Variants in PREX2 observed in about 807,000 individuals in gnomAD.
PREX2 encodes the protein phosphatidylinositol-3,4,5-trisphosphate dependent Rac exchange factor 2.
A neutral mutation model predicts 203.2 loss-of-function variants in PREX2; 107 were observed. That is an observed-to-expected ratio of 0.53 (90% CI 0.45 to 0.62). The LOEUF is 0.62. Among genes scored for constraint, PREX2 ranks in the 20% least tolerant of loss-of-function variants. PREX2 has a pLI of 0.00. For synonymous variants in PREX2, 672 were observed against 663.6 expected (o/e 1.01, Z -0.19); for missense variants, 1,777 against 1,955.9 (o/e 0.91, Z 1.72).
At chr8:68,056,194 T>C (rs1434776) in intron 10 of PREX2, among the ~76,000 whole-genome samples, 89,516 of 151,918 alleles carry the variant, frequency 0.59, 28,352 homozygotes, top group African/African-American at 0.83. Context: ...ATTCATGACT[T>C]CTGAGATTTC....
At chr8:68,210,596 A>G (rs915115123) in intron 37 of PREX2, among the ~76,000 whole-genome samples, 2 of 151,898 alleles carry the variant, frequency 1.3e-5, no homozygotes, top group African/African-American at 4.9e-5. Flanking sequence ...CTTGTGGCCC[A>G]AAAGGGGTGT....
intron 1 of PREX2, among the ~76,000 whole-genome samples, chr8:67,953,214 A>T (rs571702935): frequency 8.5e-6 from 1 of 118,012 alleles, no homozygotes; most frequent in South Asian, 3.0e-4. Flanking sequence ...TCTTCTGCTC[A>T]GTTTCTGGTC....
chr8:68,093,232 A>C (rs910139140), intron 20 of PREX2, among the ~76,000 whole-genome samples: 1 of 151,858 alleles, frequency 6.6e-6, no homozygotes. Context: ...CTTTACTAAA[A>C]ATACAAAATT....
intron 22 of PREX2, 75 bp from the exon 23 acceptor site, chr8:68,099,607 T>A: frequency 7.2e-7 from 1 of 1,397,768 alleles, no homozygotes; most frequent in East Asian, 2.3e-5. Flanking sequence ...TCTTCTTGTT[T>A]CGTTTTGTTT....
intron 35 of PREX2, among the ~76,000 whole-genome samples, chr8:68,188,202 A>G (rs113133150): frequency 7.9e-5 from 12 of 152,326 alleles, no homozygotes; most frequent in African/African-American, 1.4e-4. Flanking sequence ...AGATGTCAAA[A>G]CAATGTCATA....
At chr8:68,108,710 A>T (rs751406917) in intron 24 of PREX2, among the ~76,000 whole-genome samples, 1 of 152,198 alleles carries the variant, frequency 6.6e-6, no homozygotes, top group Non-Finnish European at 1.5e-5. Flanking sequence ...ACAAGGGATC[A>T]AACTATCCTC....
At chr8:67,973,313 T>A (rs1805979194) in intron 1 of PREX2, among the ~76,000 whole-genome samples, 1 of 152,178 alleles carries the variant, frequency 6.6e-6, no homozygotes, top group Non-Finnish European at 1.5e-5. Context: ...TTTATCAACT[T>A]GTCATTCTAG....
Position 68,138,477 on chromosome 8 carries a change from CTTTTACT to C in PREX2, c.4050_4056del (p.Phe1350LeufsTer26), listed in dbSNP as rs958721073. 1 of 1,605,428 alleles carries C rather than the reference CTTTTACT, an allele frequency of 6.2e-7. No individual in the cohort carries two copies. The highest frequency in any genetic ancestry group is 1.3e-5 in the African/African-American group (1 of 74,862). On this transcript the variant is annotated frameshift_variant, in exon 33 of 40. Transcript: ENST00000288368. LOFTEE classifies it high-confidence loss of function. The stretch of plus-strand genomic sequence containing the variant: ...CACTATTTGATTTGGAAAAGGTTTC[CTTTTACT>C]TTAAACCATCAGAAGAGGAACCTCT...
chr8:67,967,587 A>G (rs192395343), intron 1 of PREX2, among the ~76,000 whole-genome samples: 7 of 152,316 alleles, frequency 4.6e-5, no homozygotes, highest in African/African-American at 4.8e-5. Flanking sequence ...CTGGAAATGA[A>G]GTATCCTTTA....
At chr8:68,191,979 C>G (rs1812303804) in intron 36 of PREX2, among the ~76,000 whole-genome samples, 191 bp downstream of exon 36, 1 of 152,102 alleles carries the variant, frequency 6.6e-6, no homozygotes, top group Non-Finnish European at 1.5e-5. Flanking sequence ...GGGGTACATG[C>G]ACAGAACATG....
chr8:68,104,845 G>A (rs1185547955), intron 23 of PREX2, among the ~76,000 whole-genome samples: 1 of 152,130 alleles, frequency 6.6e-6, no homozygotes, highest in Non-Finnish European at 1.5e-5. Flanking sequence ...GTAAGTTTGG[G>A]CTTGTGGTAT....
At chr8:68,144,257 C>G (rs1811282694) in intron 33 of PREX2, among the ~76,000 whole-genome samples, 1 of 152,154 alleles carries the variant, frequency 6.6e-6, no homozygotes, top group South Asian at 2.1e-4. Flanking sequence ...TGGTGTTTCA[C>G]TGACATTGTT....
At chr8:68,151,045 G>T (rs1451270707) in intron 34 of PREX2, among the ~76,000 whole-genome samples, 2 of 152,024 alleles carry the variant, frequency 1.3e-5, no homozygotes, top group African/African-American at 2.4e-5. Context: ...TCTTATAGGG[G>T]CACCAATCAT....
chr8:68,040,415 A>G (rs775292954), intron 7 of PREX2, among the ~76,000 whole-genome samples: 9 of 151,628 alleles, frequency 5.9e-5, no homozygotes, highest in Non-Finnish European at 1.3e-4. Context: ...ATCACATCCC[A>G]TTTCTCCAAA....
chr8:68,016,713 C>T (rs559979067), intron 1 of PREX2, among the ~76,000 whole-genome samples: 6 of 152,208 alleles, frequency 3.9e-5, no homozygotes, highest in African/African-American at 1.4e-4. Flanking sequence ...AACTTCTGGG[C>T]TCAAGTGATC....
At chr8:67,980,950 C>A (rs981433895) in intron 1 of PREX2, among the ~76,000 whole-genome samples, 1 of 152,156 alleles carries the variant, frequency 6.6e-6, no homozygotes, top group Non-Finnish European at 1.5e-5. Flanking sequence ...AATACAACTG[C>A]GCGTGGCTTT....
intron 17 of PREX2, among the ~76,000 whole-genome samples, chr8:68,081,735 C>A (rs1702317896): frequency 6.6e-6 from 1 of 152,172 alleles, no homozygotes. Context: ...CCCTCTGTTG[C>A]CCAGGCTAGA....
intron 39 of PREX2, among the ~76,000 whole-genome samples, chr8:68,229,828 A>G (rs1813131349): frequency 6.6e-6 from 1 of 152,174 alleles, no homozygotes; most frequent in African/African-American, 2.4e-5. Context: ...AAATAAGAGG[A>G]AGGAAATTAA....
intron 11 of PREX2, among the ~76,000 whole-genome samples, chr8:68,065,092 T>G (rs1808977014): frequency 6.6e-6 from 1 of 152,238 alleles, no homozygotes; most frequent in Non-Finnish European, 1.5e-5. Context: ...CAAATTTGAA[T>G]GCAGAACAGT....
Sources: allele counts gnomAD v4.1 joint callset (sites outside exome capture counted in the v4.1 genomes callset), GRCh38; gene constraint gnomAD v4.1.1; transcripts MANE v1.5; gene names NCBI Gene and HGNC (gene_info 2026-07-23, HGNC 2026-07-21).